CDC73: variants seen among roughly 807,000 people sequenced by gnomAD.
CDC73 encodes parafibromin.
In CDC73, 21 loss-of-function variants were observed where a neutral mutation model predicts 83.7. The observed-to-expected ratio is 0.25, with a 90% confidence interval of 0.18 to 0.36. CDC73 has a LOEUF of 0.36. CDC73 is among the 10% of genes least tolerant of loss of function. The probability of loss-of-function intolerance (pLI) is 1.00; values close to 1 mark genes in which losing one functional copy is unlikely to be tolerated. For synonymous variants in CDC73, 224 were observed against 212.9 expected (o/e 1.05, Z -0.45); for missense variants, 342 against 653.3 (o/e 0.52, Z 5.19).
At chr1:193,246,247 A>T (rs1313914844) in intron 15 of CDC73, among the ~76,000 whole-genome samples, 2 of 151,912 alleles carry the variant, frequency 1.3e-5, no homozygotes. Flanking sequence ...TAATTTTATA[A>T]TTTGGGGTCT....
Position 193,181,763 on chromosome 1 carries a change from G to A in CDC73, c.973-22032G>A, listed in dbSNP as rs563808734. On this transcript the variant is annotated intron_variant, in intron 10 of 16. Transcript: ENST00000367435. The stretch of plus-strand genomic sequence containing the variant: ...TAATATGATCAGGGCAAATAGGAAT[G>A]TCTTAAGCTGTGAAAATATAACCCA... 7.4e-5 allele frequency: 34 copies of A among 457,710 alleles called. No individual in the cohort carries two copies. The East Asian group carries it at 9.7e-4, about 13-fold the overall frequency. The allele number at this position is 457,710 out of a possible 1,614,324, so 28.4% of individuals were successfully genotyped here.
At chr1:193,137,883 G>A (rs1675827996) in intron 5 of CDC73, among the ~76,000 whole-genome samples, 1 of 152,132 alleles carries the variant, frequency 6.6e-6, no homozygotes, top group African/African-American at 2.4e-5. Context: ...TAAGCTTTTC[G>A]ATGATTCCAG....
At chr1:193,211,213 T>G (rs1361781716) in intron 11 of CDC73, among the ~76,000 whole-genome samples, 1 of 152,158 alleles carries the variant, frequency 6.6e-6, no homozygotes, top group Non-Finnish European at 1.5e-5. Flanking sequence ...CCAGATTCGG[T>G]CAACCAGAAC....
At chr1:193,208,357 C>T (rs1677223773) in intron 11 of CDC73, among the ~76,000 whole-genome samples, 1 of 152,138 alleles carries the variant, frequency 6.6e-6, no homozygotes, top group East Asian at 1.9e-4. Context: ...TTTCTGGTGC[C>T]AACAAAATAG....
chr1:193,137,076 G>A (rs958111130), intron 5 of CDC73, among the ~76,000 whole-genome samples: 2 of 152,122 alleles, frequency 1.3e-5, no homozygotes, highest in African/African-American at 4.8e-5. Flanking sequence ...TGTCTTTTGA[G>A]GATCTATAAG....
At chr1:193,235,047 T>C (rs1009164437) in intron 14 of CDC73, among the ~76,000 whole-genome samples, 4 of 152,188 alleles carry the variant, frequency 2.6e-5, no homozygotes, top group African/African-American at 9.7e-5. Context: ...TTTGTATGTC[T>C]GCAGTCGTCA....
chr1:193,230,943 G>T (rs1677653518), intron 13 of CDC73, among the ~76,000 whole-genome samples: 1 of 152,142 alleles, frequency 6.6e-6, no homozygotes, highest in Non-Finnish European at 1.5e-5. Context: ...AAAATACGTA[G>T]ATATAATCAG....
chr1:193,224,689 CAT>C (rs1677536248), intron 13 of CDC73, among the ~76,000 whole-genome samples: 1 of 152,016 alleles, frequency 6.6e-6, no homozygotes, highest in African/African-American at 2.4e-5. Flanking sequence ...CATATATGTA[CAT>C]ATATGAGTAC....
Position 193,224,339 on chromosome 1 carries a change from G to GTA in CDC73, c.1155-8638_1155-8637dup, listed in dbSNP as rs10541068. On this transcript the variant is annotated intron_variant, in intron 13 of 16. Coordinates refer to ENST00000367435, the MANE Select transcript of CDC73 (RefSeq NM_024529.5). Reference sequence around the variant, plus strand: ...TGTTTACTCAATGCCATTGTTCCATGTATATATATATATATATGAAATATG... The same window carrying GTA: ...TGTTTACTCAATGCCATTGTTCCATGTATATATATATATATATATGAAATATG... Among the ~76,000 whole-genome samples, 471 of 149,860 alleles carry GTA rather than the reference G, an allele frequency of 3.1e-3. 4 individuals carry two copies. The highest frequency in any genetic ancestry group is 0.012 in the Admixed American group (180 of 15,026).
chr1:193,196,894 A>G (rs1012837600), intron 10 of CDC73, among the ~76,000 whole-genome samples: 3 of 152,154 alleles, frequency 2.0e-5, no homozygotes, highest in Non-Finnish European at 4.4e-5. Flanking sequence ...ATCTGCAAAC[A>G]TATTTTACCT....
At chr1:193,183,252 A>G (rs959649334) in intron 10 of CDC73, among the ~76,000 whole-genome samples, 1 of 151,690 alleles carries the variant, frequency 6.6e-6, no homozygotes, top group East Asian at 1.9e-4. Flanking sequence ...GGGAATTTGA[A>G]CAAATATCTA....
chr1:193,125,147 C>T lies in CDC73; in HGVS notation c.167C>T (p.Thr56Ile), dbSNP rs1454615241. The change falls in exon 2 of 17, where the codon ACA becomes ATA. Residue 56 changes from threonine to isoleucine, a missense_variant. Transcript: ENST00000367435. ...GAAGGCCAACCCAGAGAGTACTACA[C>T]ATTGGATTCCATTTTATTTCTACTT... ...GKEGQPREYY[T>I]LDSILFLLNN... 1 of 1,609,286 alleles carries T rather than the reference C, an allele frequency of 6.2e-7. No individual in the cohort carries two copies. Among genetic ancestry groups the T allele is most frequent in the Admixed American group, 1.7e-5 (1 of 60,020 alleles).
At chr1:193,150,639 A>C (rs1676088534) in intron 9 of CDC73, among the ~76,000 whole-genome samples, 2 of 152,230 alleles carry the variant, frequency 1.3e-5, no homozygotes, top group African/African-American at 4.8e-5. Context: ...TACAAAGCCT[A>C]AAAATATTAT....
At chr1:193,247,122 C>T (rs977600751) in intron 15 of CDC73, among the ~76,000 whole-genome samples, 10 of 152,046 alleles carry the variant, frequency 6.6e-5, no homozygotes, top group African/African-American at 2.4e-4. Flanking sequence ...TTTTTGTGAA[C>T]AAATTGGTTT....
rs925917860 is a variant in CDC73, at chr1:193,157,603, T to A, written c.972+5159T>A. Among the ~76,000 whole-genome samples, 5 of 152,336 alleles carry A rather than the reference T, an allele frequency of 3.3e-5. No individual in the cohort carries two copies. The East Asian group carries it at 9.6e-4, about 29-fold the overall frequency. ...ATCCACCTGAGCAGGAGCTACCTCC[T>A]TTAGATAAGAGGTTTTCTCTAGATT... On this transcript the variant is annotated intron_variant, in intron 10 of 16. Coordinates refer to ENST00000367435, the MANE Select transcript of CDC73 (RefSeq NM_024529.5).
rs1264264805 is a variant in CDC73 at position 193,130,177 on chromosome 1, G to A, written c.241G>A (p.Glu81Lys). The A allele has an allele frequency of 6.3e-7, 1 of 1,575,912 alleles. No individual in the cohort carries two copies. The highest frequency in any genetic ancestry group is 8.7e-7 in the Non-Finnish European group (1 of 1,145,916). Residue 81 changes from glutamate (E) to lysine (K), a missense_variant, in exon 3 of 17, where the codon GAA becomes AAA. Glu to Lys is a moderately conservative substitution (Grantham distance 56). This residue lies in a region of CDC73 where 99 missense variants were observed against 174.5 expected (regional missense o/e 0.57). Transcript: ENST00000367435. The stretch of plus-strand genomic sequence containing the variant: ...TCATTTAAAATTTTGGTTTTAGACT[G>A]AAAATATTCCTGTGGTTAGAAGACC... ...HPVYVRRAAT[E>K]NIPVVRRPDR...
intron 13 of CDC73, among the ~76,000 whole-genome samples, chr1:193,220,242 C>A (rs778169648): frequency 3.4e-5 from 5 of 144,986 alleles, no homozygotes; most frequent in Middle Eastern, 7.2e-3. Flanking sequence ...TCTTGGCTCA[C>A]TGTAACCTCC....
chr1:193,220,962 A>G (rs371198439), intron 13 of CDC73, among the ~76,000 whole-genome samples: 1 of 138,070 alleles, frequency 7.2e-6, no homozygotes, highest in Admixed American at 7.3e-5. Context: ...CAATATATAT[A>G]TGGCTTTTCA....
chr1:193,127,994 T>C (rs1049648239), intron 2 of CDC73: 14 of 152,020 alleles, frequency 9.2e-5, no homozygotes, highest in African/African-American at 3.1e-4. Flanking sequence ...GTTCACCACG[T>C]TAGCCAGGTT....
Sources: gnomAD v4.1 joint callset for allele counts (sites outside exome capture counted in the v4.1 genomes callset) on GRCh38, gnomAD v4.1.1 for gene constraint, gnomAD v4.1.1 regional missense constraint, MANE v1.5 for transcripts, NCBI Gene and HGNC (gene_info 2026-07-23, HGNC 2026-07-21) for gene names.